OR56A3: variants seen among roughly 807,000 people sequenced by gnomAD.
The protein encoded by OR56A3 is olfactory receptor family 56 subfamily A member 3.
OR56A3 carries 23 observed loss-of-function variants against 17.5 expected under a neutral mutation model. The observed-to-expected ratio is 1.32, with a 90% CI of 0.95 to 1.87. The LOEUF (loss-of-function observed/expected upper bound fraction) is 1.87. Among genes scored for constraint, OR56A3 ranks in the 40% most tolerant of loss-of-function variants. The pLI is 0.00. For synonymous variants in OR56A3, 175 were observed against 150.6 expected, an observed-to-expected ratio of 1.16 and a Z score of -1.19; for missense variants, 366 against 380.1, an observed-to-expected ratio of 0.96 and a Z score of 0.31.
At chr11:5,953,329 T>C (rs1847917713), downstream of OR56A3, among the ~76,000 whole-genome samples, 1 of 152,202 alleles carries the variant, frequency 6.6e-6, no homozygotes, top group South Asian at 2.1e-4. Context: ...TTTTTTGACT[T>C]AACAACAGCC....
Position 5,949,829 on chromosome 11 carries a change from T to C in OR56A3, c.*1535T>C, listed in dbSNP as rs1847897529. ...ATATCCTGGAATTGAAACCTACTGA[T>C]TGAAAAATAAGCATGTACCACATAT... On this transcript the variant is annotated 3_prime_UTR_variant, in exon 3 of 3. Transcript: ENST00000641160. The C allele has an allele frequency of 6.6e-6, 1 of 152,168 alleles. No individual in the cohort carries two copies. The highest frequency in any genetic ancestry group is 2.1e-4 in the South Asian group (1 of 4,828). The allele number at this position is 152,168 out of a possible 1,614,324, so 9.4% of individuals were successfully genotyped here.
the OR56A3 span, chr11:5,986,772 G>T: frequency 8.7e-6 from 14 of 1,613,890 alleles, no homozygotes; most frequent in Non-Finnish European, 1.2e-5. Flanking sequence ...AAGCAAGGAG[G>T]TAAAGGATGC....
At chr11:5,981,171 TG>T in the OR56A3 span, among the ~76,000 whole-genome samples, 2 of 152,152 alleles carry the variant, frequency 1.3e-5, no homozygotes, top group South Asian at 4.1e-4. Flanking sequence ...AGTATCTCAC[TG>T]GGGTTCTCTG....
chr11:6,019,056 C>G, the OR56A3 span, among the ~76,000 whole-genome samples: 1 of 151,796 alleles, frequency 6.6e-6, no homozygotes, highest in African/African-American at 2.4e-5. Context: ...AAAAAAAGCA[C>G]AGGGACACAA....
At chr11:5,982,468 G>A in the OR56A3 span, among the ~76,000 whole-genome samples, 1 of 152,148 alleles carries the variant, frequency 6.6e-6, no homozygotes, top group Non-Finnish European at 1.5e-5. Flanking sequence ...TTGCCACTGG[G>A]AAGCTCCCTG....
At chr11:5,959,963 A>T in the OR56A3 span, among the ~76,000 whole-genome samples, 1 of 152,172 alleles carries the variant, frequency 6.6e-6, no homozygotes, top group Non-Finnish European at 1.5e-5. Context: ...CTTTGTTGAA[A>T]ATCATAGATT....
At chr11:6,006,831 T>C in the OR56A3 span, 1 of 152,266 alleles carries the variant, frequency 6.6e-6, no homozygotes, top group Admixed American at 6.5e-5. Context: ...GAGTTCTATA[T>C]CCTTTTCACA....
chr11:6,008,585 C>T, the OR56A3 span, among the ~76,000 whole-genome samples: 1 of 151,892 alleles, frequency 6.6e-6, no homozygotes, highest in African/African-American at 2.4e-5. Context: ...GCCGCTTCTA[C>T]TTGGGCAATG....
chr11:5,971,262 A>G, the OR56A3 span, among the ~76,000 whole-genome samples: 1 of 152,218 alleles, frequency 6.6e-6, no homozygotes, highest in East Asian at 1.9e-4. Flanking sequence ...AATGAAGAGA[A>G]TGTCTTAGAG....
chr11:5,986,627 C>T, the OR56A3 span: 1 of 1,613,952 alleles, frequency 6.2e-7, no homozygotes, highest in East Asian at 2.2e-5. Context: ...ACCAGGAGCA[C>T]TGCAAGGGCT....
At chr11:6,004,340 G>A in the OR56A3 span, among the ~76,000 whole-genome samples, 1 of 152,000 alleles carries the variant, frequency 6.6e-6, no homozygotes, top group Non-Finnish European at 1.5e-5. Context: ...GCAACAAAAT[G>A]AGACTCCATC....
chr11:5,969,034 T>C, the OR56A3 span, among the ~76,000 whole-genome samples: 7 of 152,258 alleles, frequency 4.6e-5, no homozygotes, highest in South Asian at 6.2e-4. Context: ...CCCAACCCTA[T>C]TACAAACCTG....
chr11:5,967,925 G>T, the OR56A3 span: 1 of 1,595,168 alleles, frequency 6.3e-7, no homozygotes, highest in Non-Finnish European at 8.5e-7. Flanking sequence ...CATCACAAGA[G>T]AGTTTAGACA....
chr11:5,974,963 T>C, the OR56A3 span, among the ~76,000 whole-genome samples: 4 of 152,234 alleles, frequency 2.6e-5, no homozygotes, highest in East Asian at 7.7e-4. Flanking sequence ...TGTCCTCCAC[T>C]TTTCTTTTTG....
At chr11:5,980,440 C>T in the OR56A3 span, among the ~76,000 whole-genome samples, 560 of 152,250 alleles carry the variant, frequency 3.7e-3, 1 homozygote, top group African/African-American at 0.013. Flanking sequence ...TAATGCCCAT[C>T]TTTGTCCTCA....
chr11:5,943,524 A>G (rs1590443811), intron 1 of OR56A3: 1 of 151,678 alleles, frequency 6.6e-6, no homozygotes, highest in Admixed American at 6.6e-5. Context: ...AAAAAAAAAA[A>G]AAAAAAAACC....
At chr11:5,977,410 T>G in the OR56A3 span, among the ~76,000 whole-genome samples, 1 of 152,244 alleles carries the variant, frequency 6.6e-6, no homozygotes, top group Admixed American at 6.5e-5. Flanking sequence ...GCCATTTGAC[T>G]GCTATAAAAT....
At chr11:5,975,274 G>A in the OR56A3 span, among the ~76,000 whole-genome samples, 1 of 152,134 alleles carries the variant, frequency 6.6e-6, no homozygotes, top group Non-Finnish European at 1.5e-5. Context: ...TGTCACATAT[G>A]TATACATGTG....
the OR56A3 span, among the ~76,000 whole-genome samples, chr11:5,995,842 C>G: frequency 6.1e-3 from 923 of 152,296 alleles, 7 homozygotes; most frequent in South Asian, 0.017. Context: ...ACAGCCTCCT[C>G]TAATCTAACT....
Sources: allele counts gnomAD v4.1 joint callset (sites outside exome capture counted in the v4.1 genomes callset), GRCh38; gene constraint gnomAD v4.1.1; transcripts MANE v1.5; gene names NCBI Gene and HGNC (gene_info 2026-07-23, HGNC 2026-07-21).